KIF7: variants seen among roughly 807,000 people sequenced by gnomAD.
KIF7 encodes the protein kinesin-like protein KIF7.
A neutral mutation model predicts 135.7 loss-of-function variants in KIF7; 104 were observed. That is an observed-to-expected ratio of 0.77 (90% confidence interval 0.65 to 0.90). KIF7 has a LOEUF of 0.90. Among genes scored for constraint, KIF7 ranks in the 40% least tolerant of loss-of-function variants. The pLI, the probability that KIF7 is intolerant of heterozygous loss-of-function variation, is 0.00. For synonymous variants in KIF7, 883 were observed against 809.4 expected (o/e 1.09, Z -1.54); for missense variants, 2,005 against 1,839.1 (o/e 1.09, Z -1.65).
At chr15:89,620,365 C>T (rs1294220778) in intron 1 of KIF7, among the ~76,000 whole-genome samples, 4 of 152,246 alleles carry the variant, frequency 2.6e-5, no homozygotes, top group Middle Eastern at 3.4e-3. Flanking sequence ...TGCACCACCA[C>T]GCCCAGCTGA....
At chr15:89,634,436 G>A (rs977350766) in intron 11 of KIF7, among the ~76,000 whole-genome samples, 3 of 152,342 alleles carry the variant, frequency 2.0e-5, no homozygotes, top group African/African-American at 7.2e-5. Flanking sequence ...TCACTAGGGA[G>A]TGCCAGACAG....
chr15:89,626,667 C>G (rs977799007), downstream of KIF7, among the ~76,000 whole-genome samples: 1 of 152,074 alleles, frequency 6.6e-6, no homozygotes, highest in South Asian at 2.1e-4. Context: ...AGCATAACCC[C>G]AGAGATCTGA....
downstream of KIF7, chr15:89,624,137 G>A (rs202052132): frequency 1.1e-4 from 185 of 1,613,682 alleles, 1 homozygote; most frequent in African/African-American, 9.5e-4. Context: ...AGAGCTGCTC[G>A]GGCAGAGGAA....
rs1262284675 is a variant in KIF7, at chr15:89,645,866, C to A, written c.1922+27G>T. 3 of 1,610,748 alleles carry A rather than the reference C, an allele frequency of 1.9e-6. No homozygotes were observed. The South Asian group carries it at 3.3e-5, about 18-fold the overall frequency. ...CCCTGGGCCCTGAGCAGGTCCTTGT[C>A]AGGTGGGGGCAGTGGGTCCCACTCA... On this transcript the variant is annotated intron_variant, in intron 8 of 18. Coordinates refer to ENST00000394412, the MANE Select transcript of KIF7 (RefSeq NM_198525.3).
At position 89,632,979 on chromosome 15, in the gene KIF7, C is replaced by A. The variant is rs947433457; in HGVS notation, c.2736G>T (p.Lys912Asn). The change falls in exon 14 of 19, where the codon AAG (lysine) becomes AAT (asparagine). Residue 912 changes from lysine (K) to asparagine (N), a missense_variant. By Grantham distance (94) the Lys-to-Asn change is moderately conservative. Transcript: ENST00000394412. Reference protein sequence around the residue: ...LEQQQKIEEQKKWLDQEMEKV... With the variant: ...LEQQQKIEEQNKWLDQEMEKV... Reference sequence around the variant, plus strand: ...TCTCCATCTCCTGGTCCAGCCACTTCTTCTGCTCCTCAATCTTCTAAGGAA... The same window carrying A: ...TCTCCATCTCCTGGTCCAGCCACTTATTCTGCTCCTCAATCTTCTAAGGAA... The A allele has an allele frequency of 1.5e-6, 2 of 1,379,006 alleles. No homozygotes were observed. The highest frequency in any genetic ancestry group is 6.4e-5 in the East Asian group (2 of 31,486). 85.4% of individuals were successfully genotyped at this position (1,379,006 alleles called of 1,614,324 possible).
downstream of KIF7, chr15:89,623,877 A>G (rs1426930608): frequency 5.0e-6 from 8 of 1,613,804 alleles, no homozygotes; most frequent in Non-Finnish European, 6.8e-6. Context: ...CCTCTCTTGA[A>G]ACGAAGACAC....
downstream of KIF7, among the ~76,000 whole-genome samples, chr15:89,626,410 A>C (rs952590907): frequency 6.6e-6 from 1 of 152,218 alleles, no homozygotes; most frequent in Non-Finnish European, 1.5e-5. Flanking sequence ...AGTTCCCCAC[A>C]GCGGGTTTAT....
In KIF7 at chr15:89,629,008, A is replaced by C. The variant is rs765264293; in HGVS notation, c.3632T>G (p.Leu1211Arg). The C allele has an allele frequency of 4.3e-6, 7 of 1,613,432 alleles. No homozygotes were observed. The South Asian group carries it at 6.6e-5, about 15-fold the overall frequency. ...GTGGCCTACAGCGTTCACACCGCCG[A>C]GCTTCTGTTTCAGTTCCTGGTTTAT... ...MWINQELKQKLGGVNAVGHSR... is the reference protein window; with the variant it reads ...MWINQELKQKRGGVNAVGHSR... The change falls in exon 18 of 19, where the codon CTC (leucine) becomes CGC (arginine). Residue 1211 changes from leucine to arginine, a missense_variant. Coordinates refer to ENST00000394412, the MANE Select transcript of KIF7 (RefSeq NM_198525.3).
At chr15:89,652,293 A>T (rs998354327) in intron 2 of KIF7, among the ~76,000 whole-genome samples, 1 of 152,118 alleles carries the variant, frequency 6.6e-6, no homozygotes, top group Non-Finnish European at 1.5e-5. Context: ...AGCCAGCCTG[A>T]CAACCTCTAG....
chr15:89,648,394 G>A lies in KIF7; in HGVS notation c.1304C>T (p.Ala435Val), dbSNP rs976073468. 51 of 1,160,986 alleles carry A rather than the reference G, an allele frequency of 4.4e-5. No homozygotes were observed. Among genetic ancestry groups the A allele is most frequent in the Non-Finnish European group, 5.4e-5 (51 of 941,814 alleles). 71.9% of individuals were successfully genotyped at this position (1,160,986 alleles called of 1,614,324 possible). A position where few individuals can be genotyped will look rare whatever the true frequency, so the allele number is the denominator to read the frequency against. Residue 435 changes from alanine to valine, a missense_variant, in exon 5 of 19, where the codon GCC (alanine) becomes GTC (valine). Coordinates refer to ENST00000394412, the MANE Select transcript of KIF7 (RefSeq NM_198525.3). ...ELQAEPGLPG[A>V]AARKVRDWLC... ...CCAGTCGCGCACCTTGCGGGCGGCG[G>A]CGCCGGGCAGCCCGGGCTCGGCCTG...
At position 89,630,312 on chromosome 15, in the gene KIF7, G is replaced by A. The variant is rs764513802; in HGVS notation, c.3293C>T (p.Ala1098Val). 3.1e-6 allele frequency: 5 copies of A among 1,614,142 alleles called. No homozygotes were observed. Among genetic ancestry groups the A allele is most frequent in the Middle Eastern group, 1.6e-4 (1 of 6,062 alleles). Residue 1098 changes from alanine to valine, a missense_variant, in exon 16 of 19, where the codon GCC (alanine) becomes GTC (valine). By Grantham distance (64) the Ala-to-Val change is moderately conservative. Coordinates refer to ENST00000394412, the MANE Select transcript of KIF7 (RefSeq NM_198525.3). ...CTTGTCAAAATACTTGCAGAGGAGG[G>A]CTCTGGTCTCTGAGGATGAGAGGTA... ...LSYLSSSETRALLCKYFDKVV... is the reference protein window; with the variant it reads ...LSYLSSSETRVLLCKYFDKVV...
rs1443757855 is a variant in KIF7 at position 89,648,535 on chromosome 15, C to A, written c.1163G>T (p.Gly388Val). The A allele has an allele frequency of 1.4e-5, 17 of 1,220,950 alleles. No homozygotes were observed. The highest frequency in any genetic ancestry group is 3.3e-5 in the African/African-American group (2 of 60,490). 75.6% of individuals were successfully genotyped at this position (1,220,950 alleles called of 1,614,324 possible). A position where few individuals can be genotyped will look rare whatever the true frequency, so the allele number is the denominator to read the frequency against. ...GGTGGCTGGGCCTGGGGCGCGCCGG[C>A]CGCGGTGGATGATGCGGGTCTCGGA... ...HRSETRIIHR[G>V]RRAPGPATAS... Residue 388 changes from glycine (G) to valine (V), a missense_variant, in exon 5 of 19, where the codon GGC (glycine) becomes GTC (valine). Gly to Val is a moderately radical substitution (Grantham distance 109). Transcript: ENST00000394412.
Position 89,622,365 on chromosome 15 carries a change from C to A in KIF7, c.181-4170G>T, listed in dbSNP as rs181066535. On this transcript the variant is annotated intron_variant and NMD_transcript_variant, in intron 1 of 2. Transcript: ENST00000558928. ...TAGTTCAGGTCTACCTGGAACACTT[C>A]AACAGGCTTTTCCCTCTCAAAGGGA... 6.5e-4 allele frequency among the ~76,000 whole-genome samples: 99 copies of A among 152,270 alleles called. No individual in the cohort carries two copies. The East Asian group carries it at 0.014, about 21-fold the overall frequency.
In KIF7 at chr15:89,628,716, T is replaced by G. The variant is rs1596064053; in HGVS notation, c.3735A>C (p.Ala1245=). The G allele has an allele frequency of 6.2e-7, 1 of 1,612,810 alleles. No individual in the cohort carries two copies. The highest frequency in any genetic ancestry group is 8.5e-7 in the Non-Finnish European group (1 of 1,179,854). The change falls in exon 19 of 19, where the codon GCA becomes GCC. Residue 1245 remains alanine (A), a synonymous_variant. Coordinates refer to ENST00000394412, the MANE Select transcript of KIF7 (RefSeq NM_198525.3). The part of the protein sequence containing the change: ...APGNEDELHL[A]PELLWLSPLT... ...GGGGGGACAGCCAGAGAAGCTCGGG[T>G]GCCAGGTGGAGCTCATCTTCATTTC...
intron 1 of KIF7, chr15:89,621,664 A>G (rs1963427633): frequency 1.2e-6 from 1 of 843,684 alleles, no homozygotes; most frequent in Admixed American, 3.0e-5. Context: ...AGATAATACT[A>G]GAGATTGGAG....
rs1233281381 is a variant in KIF7 at position 89,648,708 on chromosome 15, G to A, written c.990C>T (p.Ser330=). 4 of 1,536,192 alleles carry A rather than the reference G, an allele frequency of 2.6e-6. No homozygotes were observed. The highest frequency in any genetic ancestry group is 2.7e-5 in the African/African-American group (2 of 73,020). The change falls in exon 5 of 19, where the codon TCC becomes TCT. Residue 330 remains serine, a synonymous_variant. Coordinates refer to ENST00000394412, the MANE Select transcript of KIF7 (RefSeq NM_198525.3). ...TGTTGAGGGTCTCGTCGAAGTCGGA[G>A]GAGGAAGGGCTGACGCAGGCGATCA... The part of the protein sequence containing the change: ...TVMIACVSPS[S]SDFDETLNTL...
At chr15:89,652,275 C>A (rs901431082) in intron 2 of KIF7, among the ~76,000 whole-genome samples, 10 of 152,214 alleles carry the variant, frequency 6.6e-5, no homozygotes, top group African/African-American at 2.2e-4. Flanking sequence ...AGATTCCTGA[C>A]CTTCCCTAGC....
chr15:89,619,263 T>C (rs1963385482), intron 1 of KIF7, among the ~76,000 whole-genome samples: 1 of 149,270 alleles, frequency 6.7e-6, no homozygotes, highest in South Asian at 2.2e-4. Context: ...TCTTGCTCTG[T>C]CGCCCAGGCT....
intron 14 of KIF7, among the ~76,000 whole-genome samples, chr15:89,632,370 G>A (rs1389511602): frequency 6.6e-6 from 1 of 152,178 alleles, no homozygotes; most frequent in African/African-American, 2.4e-5. Context: ...ATGCCAGGCG[G>A]AGAAGTCTCT....
Sources: gnomAD v4.1 joint callset for allele counts (sites outside exome capture counted in the v4.1 genomes callset) on GRCh38, gnomAD v4.1.1 for gene constraint, MANE v1.5 for transcripts, NCBI Gene and HGNC (gene_info 2026-07-23, HGNC 2026-07-21) for gene names.